The following GRIPAP1 variants were observed in gnomAD, a reference collection of about 807,000 sequenced individuals.
The protein encoded by GRIPAP1 is GRIP1-associated protein 1.
Under a neutral mutation model 84.1 loss-of-function variants are expected in GRIPAP1, and 14 were observed. The observed-to-expected ratio is 0.17, with a 90% CI of 0.11 to 0.26. The LOEUF (loss-of-function observed/expected upper bound fraction) is 0.26. Among genes scored for constraint, GRIPAP1 ranks in the 10% least tolerant of loss-of-function variants. GRIPAP1 has a pLI of 1.00. For missense variants in GRIPAP1, 518 were observed against 674.2 expected (o/e 0.77, Z 2.57); for synonymous variants, 261 against 256.8 (o/e 1.02, Z -0.15).
chrX:48,974,066 G>A lies in GRIPAP1; in HGVS notation c.*127C>T. The A allele has an allele frequency of 2.2e-6, 1 of 463,321 alleles. No homozygotes were observed. Among genetic ancestry groups the A allele is most frequent in the African/African-American group, 2.4e-5 (1 of 41,401 alleles). The allele number at this position is 463,321 out of a possible 1,213,427, so 38.2% of individuals were successfully genotyped here. A position where few individuals can be genotyped will look rare whatever the true frequency, so the allele number is the denominator to read the frequency against. On this transcript the variant is annotated 3_prime_UTR_variant, in exon 26 of 26. Transcript: ENST00000376423. Reference sequence around the variant, plus strand: ...ATTAACACTAACCATCAGGCCTCTAGCCCCTTTAATGTCCAGTCTCCCAAG... The same window carrying A: ...ATTAACACTAACCATCAGGCCTCTAACCCCTTTAATGTCCAGTCTCCCAAG...
intron 13 of GRIPAP1, 69 bp from the exon 14 acceptor site, chrX:48,985,471 C>T (rs781966646): frequency 1.7e-5 from 16 of 962,745 alleles, no homozygotes; most frequent in Middle Eastern, 3.2e-4. Flanking sequence ...GGGTATGAGC[C>T]CCCTAGTTCC....
At position 48,983,087 on chromosome X, in the gene GRIPAP1, C is replaced by T. The variant is rs369262334; in HGVS notation, c.1491G>A (p.Arg497=). ...GCTGGAGAGTCTCCAGCTCCCGTGT[C>T]CGGGCCTGGGATGGGGCAGACTGTC... ...LRGQIREEKA[R]TRELETLQQT... Residue 497 remains arginine (R), a synonymous_variant, in exon 17 of 26, where the codon CGG becomes CGA. Transcript: ENST00000376423. The T allele has an allele frequency of 1.7e-6, 2 of 1,194,352 alleles. No homozygotes were observed. The highest frequency in any genetic ancestry group is 3.5e-5 in the African/African-American group (2 of 57,197).
intron 6 of GRIPAP1, among the ~76,000 whole-genome samples, chrX:48,993,222 A>G (rs1445149712): frequency 8.9e-6 from 1 of 112,982 alleles, no homozygotes; most frequent in African/African-American, 3.2e-5. Context: ...TCTCTACTAC[A>G]ATCTTCTGGG....
intron 17 of GRIPAP1, 76 bp from the exon 18 acceptor site, chrX:48,981,948 A>G: frequency 1.4e-6 from 1 of 697,496 alleles, no homozygotes; most frequent in Non-Finnish European, 2.2e-6. Context: ...AGGGACTGCA[A>G]TGGGGGCCCA....
intron 13 of GRIPAP1, 80 bp from the exon 14 acceptor site, chrX:48,985,482 A>T: frequency 1.2e-6 from 1 of 837,939 alleles, no homozygotes; most frequent in Non-Finnish European, 1.8e-6. Flanking sequence ...CCCTAGTTCC[A>T]GGGAAACAGG....
At chrX:49,002,079 A>C in intron 1 of GRIPAP1, 109 bp downstream of exon 1, 1 of 478,761 alleles carries the variant, frequency 2.1e-6, no homozygotes. Flanking sequence ...CCCACCCCAT[A>C]AACTCAGGGT....
intron 6 of GRIPAP1, among the ~76,000 whole-genome samples, chrX:48,993,187 T>TA (rs1309144734): frequency 3.5e-5 from 4 of 113,062 alleles, no homozygotes; most frequent in African/African-American, 1.3e-4. Flanking sequence ...GACACTGAAC[T>TA]AATGCAGAAT....
rs2064407996 is a variant in GRIPAP1 at position 48,973,851 on chromosome X, G to A, written c.*342C>T. On this transcript the variant is annotated 3_prime_UTR_variant, in exon 26 of 26. Coordinates refer to ENST00000376423, the MANE Select transcript of GRIPAP1 (RefSeq NM_020137.5). ...CAGCATCCCCAATCCCAAATGCAGA[G>A]TAGCCAGGCTCCAGACATAAATTAA... 7.8e-6 allele frequency: 1 copy of A among 128,486 alleles called. No homozygotes were observed. The highest frequency in any genetic ancestry group is 3.3e-5 in the African/African-American group (1 of 30,164). The allele number at this position is 128,486 out of a possible 1,213,427, so 10.6% of individuals were successfully genotyped here. A position where few individuals can be genotyped will look rare whatever the true frequency, so the allele number is the denominator to read the frequency against.
chrX:48,975,917 C>G, intron 24 of GRIPAP1, 101 bp downstream of exon 24: 1 of 678,970 alleles, frequency 1.5e-6, no homozygotes, highest in Non-Finnish European at 2.3e-6. Context: ...AGTAGCTTCG[C>G]TGAGTTCCGA....
Position 48,993,514 on chromosome X carries a change from G to A in GRIPAP1, c.371C>T (p.Ala124Val), listed in dbSNP as rs782402972. The change falls in exon 6 of 26, where the codon GCA becomes GTA. Residue 124 changes from alanine (A) to valine (V), a missense_variant. Transcript: ENST00000376423. ...NQQLKEGAAG[A>V]GVAQAGPLVD... is the part of the protein sequence containing the mutation. The stretch of plus-strand genomic sequence containing the variant: ...GAGGGGCCCAGCTTGGGCAACCCCT[G>A]CTCCTGCAGCCCCCTCCTTCAGTTG... 1 of 1,188,522 alleles carries A rather than the reference G, an allele frequency of 8.4e-7. No homozygotes were observed. The highest frequency in any genetic ancestry group is 3.1e-5 in the East Asian group (1 of 32,302).
In GRIPAP1 at chrX:48,974,112, C is replaced by T. The variant is rs781980875; in HGVS notation, c.*81G>A. 4.3e-5 allele frequency: 27 copies of T among 621,710 alleles called. No individual in the cohort carries two copies. Among genetic ancestry groups the T allele is most frequent in the Non-Finnish European group, 6.7e-5 (26 of 385,880 alleles). 51.2% of individuals were successfully genotyped at this position (621,710 alleles called of 1,213,427 possible). On this transcript the variant is annotated 3_prime_UTR_variant, in exon 26 of 26. Transcript: ENST00000376423. ...CCAAGCTATTTGATTTTGGCTCCAG[C>T]CCTCATTTTTCCACCACAGCCCAAG...
At chrX:48,995,681 C>T (rs1557066587) in intron 5 of GRIPAP1, among the ~76,000 whole-genome samples, 7 of 110,571 alleles carry the variant, frequency 6.3e-5, no homozygotes, top group African/African-American at 3.3e-5. Context: ...CTACAACCTC[C>T]GCCTCCCGGG....
intron 11 of GRIPAP1, 28 bp from the exon 12 acceptor site, chrX:48,988,226 C>T (rs781843422): frequency 1.2e-5 from 13 of 1,074,812 alleles, no homozygotes; most frequent in East Asian, 9.4e-5. Flanking sequence ...GCCCATTTTA[C>T]ACCTCAGCCT....
chrX:48,992,617 A>G (rs2064526139), intron 6 of GRIPAP1, among the ~76,000 whole-genome samples: 1 of 110,970 alleles, frequency 9.0e-6, no homozygotes, highest in Non-Finnish European at 1.9e-5. Flanking sequence ...GAGCCTCCTA[A>G]TTCCTACTCA....
At position 48,983,320 on chromosome X, in the gene GRIPAP1, C is replaced by A. The variant is rs2064468097; in HGVS notation, c.1393G>T (p.Val465Leu). Residue 465 changes from valine to leucine, a missense_variant, in exon 16 of 26, where the codon GTG (valine) becomes TTG (leucine). Coordinates refer to ENST00000376423, the MANE Select transcript of GRIPAP1 (RefSeq NM_020137.5). Reference sequence around the variant, plus strand: ...AGCTCACGCTCATAGCGGGCACGCACCCCCAGCACCTCCTTCTCATGCCGT... The same window carrying A: ...AGCTCACGCTCATAGCGGGCACGCAACCCCAGCACCTCCTTCTCATGCCGT... Reference protein sequence around the residue: ...RLRHEKEVLGVRARYERELRE... With the variant: ...RLRHEKEVLGLRARYERELRE... The A allele has an allele frequency of 1.7e-6, 2 of 1,210,338 alleles. No individual in the cohort carries two copies. The highest frequency in any genetic ancestry group is 2.2e-6 in the Non-Finnish European group (2 of 894,657).
chrX:48,991,710 C>T (rs2064521321), intron 6 of GRIPAP1, among the ~76,000 whole-genome samples: 1 of 112,043 alleles, frequency 8.9e-6, no homozygotes, highest in Non-Finnish European at 1.9e-5. Context: ...TGGTGGCGCA[C>T]GCGCTTGTAA....
At chrX:48,990,834 G>A in intron 7 of GRIPAP1, 92 bp downstream of exon 7, 6 of 1,024,292 alleles carry the variant, frequency 5.9e-6, no homozygotes, top group Middle Eastern at 2.6e-4. Flanking sequence ...CCACAAGATG[G>A]TGATGTCACA....
chrX:48,981,801 C>T lies in GRIPAP1; in HGVS notation c.1671G>A (p.Glu557=). The T allele has an allele frequency of 3.4e-6, 4 of 1,177,750 alleles. No homozygotes were observed. Among genetic ancestry groups the T allele is most frequent in the Non-Finnish European group, 4.6e-6 (4 of 874,109 alleles). The part of the protein sequence containing the change: ...LKQCREQHAA[E]LKGKEEELQD... ...ACCATCATGCGAGAGGCACCTTCAG[C>T]TCGGCAGCGTGCTGCTCCCGACACT... is the stretch of plus-strand genomic sequence containing the variant. The change falls in exon 18 of 26, where the codon GAG becomes GAA. Residue 557 remains glutamate (E), a synonymous_variant. Transcript: ENST00000376423.
intron 24 of GRIPAP1, 160 bp from the exon 25 acceptor site, chrX:48,975,469 C>T (rs782776571): frequency 1.2e-4 from 54 of 450,690 alleles, no homozygotes; most frequent in Non-Finnish European, 1.3e-4. Flanking sequence ...CTAGCTCTGT[C>T]ACTCACTAGC....
Sources: gnomAD v4.1 joint callset for allele counts (sites outside exome capture counted in the v4.1 genomes callset) on GRCh38, gnomAD v4.1.1 for gene constraint, MANE v1.5 for transcripts, NCBI Gene and HGNC (gene_info 2026-07-23, HGNC 2026-07-21) for gene names.